PDZD2: variants seen among roughly 807,000 people sequenced by gnomAD.
PDZD2 encodes PDZ domain-containing protein 2.
PDZD2 carries 90 observed loss-of-function variants against 220.7 expected under a neutral mutation model. The ratio of observed to expected loss-of-function variants is 0.41; its 90% CI spans 0.34 to 0.49. The LOEUF (loss-of-function observed/expected upper bound fraction) is 0.49, where lower values mean the gene tolerates loss of function less well. Ranked by LOEUF, PDZD2 falls within the 20% of genes least tolerant of loss-of-function variation. The probability of loss-of-function intolerance (pLI) is 0.28; values close to 1 mark genes in which losing one functional copy is unlikely to be tolerated. For missense variants in PDZD2, 3,174 were observed against 3,608.5 expected, an observed-to-expected ratio of 0.88 and a Z score of 3.08; for synonymous variants, 1,375 against 1,450.5, an observed-to-expected ratio of 0.95 and a Z score of 1.18.
At chr5:31,781,187 G>A (rs886331598) in intron 1 of PDZD2, among the ~76,000 whole-genome samples, 2 of 152,230 alleles carry the variant, frequency 1.3e-5, no homozygotes, top group South Asian at 2.1e-4. Context: ...ACTGAAGTGG[G>A]CAGATCACTT....
chr5:32,049,245 G>A lies in PDZD2; in HGVS notation c.1665+561G>A, dbSNP rs564844692. On this transcript the variant is annotated intron_variant, in intron 8 of 24. Transcript: ENST00000438447. ...GACTCCACAGCCCTGCATGAGGGCC[G>A]CTCCTCCATCTCAGCATCCTCAACC... 5.3e-5 allele frequency among the ~76,000 whole-genome samples: 8 copies of A among 152,252 alleles called. No homozygotes were observed. In the South Asian group the frequency reaches 1.2e-3, roughly 24 times the overall value.
chr5:31,762,272 TTTGTTGTTG>T (rs549890419), intron 1 of PDZD2, among the ~76,000 whole-genome samples: 1 of 152,040 alleles, frequency 6.6e-6, no homozygotes. Flanking sequence ...CTTGGTTTTG[TTTGTTGTTG>T]TTGTTGTTGT....
intron 2 of PDZD2, among the ~76,000 whole-genome samples, chr5:31,947,681 G>T (rs1289690551): frequency 6.6e-6 from 1 of 152,188 alleles, no homozygotes; most frequent in Admixed American, 6.5e-5. Context: ...GCTGGGCGTG[G>T]TGGCACAAGC....
chr5:32,015,874 G>C (rs541287962), intron 6 of PDZD2, among the ~76,000 whole-genome samples: 72 of 152,128 alleles, frequency 4.7e-4, no homozygotes, highest in Non-Finnish European at 9.1e-4. Context: ...TGGAAGTAAT[G>C]GTTGTCTTTG....
At position 32,107,939 on chromosome 5, in the gene PDZD2, C is replaced by CTATT. The variant is rs751597147; in HGVS notation, c.8354-29_8354-26dup. 4.6e-6 allele frequency: 7 copies of CTATT among 1,535,898 alleles called. No homozygotes were observed. The South Asian group carries it at 7.4e-5, about 16-fold the overall frequency. On this transcript the variant is annotated intron_variant, in intron 24 of 24. Coordinates refer to ENST00000438447, the MANE Select transcript of PDZD2 (RefSeq NM_178140.4). ...TTTTGAATACTATGAAACTGCCAAG[C>CTATT]TATTAATTATTCTGTGTTTATTCTC...
intron 1 of PDZD2, among the ~76,000 whole-genome samples, chr5:31,727,189 A>G (rs768991068): frequency 1.3e-4 from 20 of 152,220 alleles, no homozygotes; most frequent in Non-Finnish European, 2.8e-4. Flanking sequence ...ATGAGATTTC[A>G]GCAGGAACAA....
intron 1 of PDZD2, among the ~76,000 whole-genome samples, chr5:31,776,519 T>C (rs1752664557): frequency 6.6e-6 from 1 of 151,416 alleles, no homozygotes. Context: ...AGGTTACTTA[T>C]GTTGGCCAGG....
intron 2 of PDZD2, among the ~76,000 whole-genome samples, chr5:31,888,214 TCCTTCCCTC>T (rs989180045): frequency 4.6e-5 from 7 of 151,942 alleles, no homozygotes; most frequent in Non-Finnish European, 8.8e-5. Context: ...TTCCTTCCCT[TCCTTCCCTC>T]CCTCTGTCAC....
In PDZD2 at chr5:32,017,993, G is replaced by A. The variant is rs185411432; in HGVS notation, c.1407+7511G>A. Among the ~76,000 whole-genome samples the A allele has an allele frequency of 3.9e-5, 6 of 152,228 alleles. No homozygotes were observed. The East Asian group carries it at 9.7e-4, about 25-fold the overall frequency. On this transcript the variant is annotated intron_variant, in intron 6 of 24. Transcript: ENST00000438447. ...TCTACAATGAGAGGGAAGACCGCAG[G>A]GCTCCACTGATAGCAAACTTGTTCC...
intron 1 of PDZD2, among the ~76,000 whole-genome samples, chr5:31,784,198 A>G (rs1458893853): frequency 6.6e-6 from 1 of 152,180 alleles, no homozygotes; most frequent in African/African-American, 2.4e-5. Flanking sequence ...GAGCGCATCA[A>G]AACTGCCTGT....
chr5:31,706,724 A>G (rs146446646), intron 1 of PDZD2, among the ~76,000 whole-genome samples: 20,572 of 151,768 alleles, frequency 0.14, 1,524 homozygotes, highest in East Asian at 0.21. Flanking sequence ...GGCGCCTGTA[A>G]TCCCAGCTAC....
chr5:31,909,183 T>C, intron 2 of PDZD2: 1 of 155,628 alleles, frequency 6.4e-6, no homozygotes, highest in East Asian at 1.9e-4. Flanking sequence ...TGGGAAAATG[T>C]TAACAAATTT....
At position 31,989,185 on chromosome 5, in the gene PDZD2, AGCTCTCACCCT is replaced by A. The variant is rs1169876863; in HGVS notation, c.978+5533_978+5543del. On this transcript the variant is annotated intron_variant, in intron 3 of 24. Transcript: ENST00000438447. ...CATTTTTCTTGATAGATAATTTTTT[AGCTCTCACCCT>A]GCTTCCCCGTTTTCCAGTCTCCAGT... 2.0e-5 allele frequency among the ~76,000 whole-genome samples: 3 copies of A among 152,198 alleles called. No individual in the cohort carries two copies. The South Asian group carries it at 6.2e-4, about 32-fold the overall frequency.
intron 14 of PDZD2, among the ~76,000 whole-genome samples, chr5:32,065,468 C>G (rs1429600328): frequency 1.3e-5 from 2 of 152,090 alleles, no homozygotes; most frequent in African/African-American, 2.4e-5. Context: ...CCTTGTGGGT[C>G]CCTCTATGTG....
rs116767077 is a variant in PDZD2, at chr5:31,992,932, A to G, written c.979-2644A>G. On this transcript the variant is annotated intron_variant, in intron 3 of 24. Transcript: ENST00000438447. ...TGAGGCCGCCACAGGGCTGCTCCCT[A>G]TGCTGGCGTGGGAGGCCCAGAAAGC... Among the ~76,000 whole-genome samples the G allele has an allele frequency of 5.5e-3, 828 of 151,524 alleles. 4 individuals carry two copies. Among genetic ancestry groups the G allele is most frequent in the Admixed American group, 0.011 (164 of 15,224 alleles).
intron 21 of PDZD2, among the ~76,000 whole-genome samples, chr5:32,094,364 A>G (rs1284538385): frequency 6.6e-6 from 1 of 152,188 alleles, no homozygotes; most frequent in African/African-American, 2.4e-5. Context: ...ATGAATGAAT[A>G]TTTTCTATTT....
At chr5:31,856,558 T>C (rs998413550) in intron 2 of PDZD2, among the ~76,000 whole-genome samples, 2 of 152,142 alleles carry the variant, frequency 1.3e-5, no homozygotes, top group East Asian at 1.9e-4. Context: ...GGAAAGATGG[T>C]CTAAGAGCAG....
intron 1 of PDZD2, among the ~76,000 whole-genome samples, chr5:31,641,730 C>A (rs1325834225): frequency 6.6e-6 from 1 of 152,034 alleles, no homozygotes; most frequent in African/African-American, 2.4e-5. Flanking sequence ...CTCAAGTGAT[C>A]CTGGTGTCTT....
intron 1 of PDZD2, among the ~76,000 whole-genome samples, chr5:31,693,697 G>A (rs909171141): frequency 2.0e-5 from 3 of 152,108 alleles, no homozygotes; most frequent in Non-Finnish European, 4.4e-5. Context: ...TACTTTGTTA[G>A]CAAAGTTTAG....
Sources: allele counts gnomAD v4.1 joint callset (sites outside exome capture counted in the v4.1 genomes callset), GRCh38; gene constraint gnomAD v4.1.1; transcripts MANE v1.5; gene names NCBI Gene and HGNC (gene_info 2026-07-23, HGNC 2026-07-21).